CACNG2: variants seen among roughly 807,000 people sequenced by gnomAD.
The protein encoded by CACNG2 is voltage-dependent calcium channel gamma-2 subunit.
Under a neutral mutation model 25.9 loss-of-function variants are expected in CACNG2, and 3 were observed. That is an observed-to-expected ratio of 0.12 (90% CI 0.05 to 0.30). The LOEUF (loss-of-function observed/expected upper bound fraction) is 0.30, where lower values mean the gene tolerates loss of function less well. Ranked by LOEUF, CACNG2 falls within the 10% of genes least tolerant of loss-of-function variation. The pLI is 1.00. For missense variants in CACNG2, 341 were observed against 432.5 expected, an observed-to-expected ratio of 0.79 and a Z score of 1.88; for synonymous variants, 167 against 173.3, an observed-to-expected ratio of 0.96 and a Z score of 0.29.
chr22:36,580,211 G>A (rs1461168801), intron 2 of CACNG2, among the ~76,000 whole-genome samples: 5 of 152,152 alleles, frequency 3.3e-5, no homozygotes, highest in African/African-American at 9.7e-5. Context: ...TTGAAGCCCC[G>A]AGTGTGCCAA....
Position 36,564,897 on chromosome 22 carries a change from CAGGGTGGCGGGGTGG to C in CACNG2, c.437-26_437-12del. On this transcript the variant is annotated splice_polypyrimidine_tract_variant and intron_variant, in intron 3 of 3. Transcript: ENST00000300105. This position sits in a 1 kb window ranked among gnomAD's most constrained non-coding sequence, Gnocchi z 6.7. Reference sequence around the variant, plus strand: ...TGATGTTACTCAGACCTGCGGGGCGCAGGGTGGCGGGGTGGGGGATCAGAGAGAAGGACGTTAGTT... The same window carrying C: ...TGATGTTACTCAGACCTGCGGGGCGCGGGATCAGAGAGAAGGACGTTAGTT... The C allele has an allele frequency of 1.9e-6, 3 of 1,609,328 alleles. No individual in the cohort carries two copies. The highest frequency in any genetic ancestry group is 2.5e-6 in the Non-Finnish European group (3 of 1,179,724).
At chr22:36,689,385 G>A (rs142127124) in intron 1 of CACNG2, among the ~76,000 whole-genome samples, 13 of 152,126 alleles carry the variant, frequency 8.5e-5, no homozygotes, top group African/African-American at 3.1e-4. Context: ...TTCAGAGAAC[G>A]TAAAATCCAA....
chr22:36,572,519 T>A (rs1033089583), intron 2 of CACNG2, among the ~76,000 whole-genome samples: 1 of 152,146 alleles, frequency 6.6e-6, no homozygotes, highest in Admixed American at 6.5e-5. Context: ...ATGGCCAATA[T>A]GGCGAAACCC....
chr22:36,703,238 A>AGTGGCG lies in CACNG2; in HGVS notation c.-663_-662insCGCCAC. On this transcript the variant is annotated 5_prime_UTR_variant, in exon 1 of 4. Transcript: ENST00000300105. ...TCGCTTTCCATGGTTTTGCCCGGGC[A>AGTGGCG]GCGGCGGCGGCGGCGGCGGCGGCGG... is the stretch of plus-strand genomic sequence containing the variant. 1 of 154,316 alleles carries AGTGGCG rather than the reference A, an allele frequency of 6.5e-6. No individual in the cohort carries two copies. Among genetic ancestry groups the AGTGGCG allele is most frequent in the Non-Finnish European group, 1.4e-5 (1 of 73,442 alleles). 9.6% of individuals were successfully genotyped at this position (154,316 alleles called of 1,614,324 possible).
At chr22:36,659,758 T>G (rs1936761554) in intron 1 of CACNG2, among the ~76,000 whole-genome samples, 1 of 152,046 alleles carries the variant, frequency 6.6e-6, no homozygotes, top group Non-Finnish European at 1.5e-5. Flanking sequence ...TGTGTTCAAA[T>G]GCCAGCCTGT....
At chr22:36,611,495 G>T (rs769048484) in intron 1 of CACNG2, among the ~76,000 whole-genome samples, 4 of 152,192 alleles carry the variant, frequency 2.6e-5, no homozygotes, top group Non-Finnish European at 5.9e-5. Context: ...AGGCTGCCAG[G>T]AACTGGTAAA....
At chr22:36,674,987 A>T (rs1937002286) in intron 1 of CACNG2, among the ~76,000 whole-genome samples, 1 of 152,258 alleles carries the variant, frequency 6.6e-6, no homozygotes, top group Non-Finnish European at 1.5e-5. Flanking sequence ...TGCCTGGCAC[A>T]TAGTAAGTGT....
intron 1 of CACNG2, among the ~76,000 whole-genome samples, chr22:36,686,328 A>G (rs1937197195): frequency 6.6e-6 from 1 of 152,208 alleles, no homozygotes; most frequent in Non-Finnish European, 1.5e-5. Flanking sequence ...GAGCAAGTCC[A>G]GAAGAAGGAA....
intron 1 of CACNG2, among the ~76,000 whole-genome samples, chr22:36,618,839 G>C (rs1380135596): frequency 6.6e-6 from 1 of 152,166 alleles, no homozygotes; most frequent in African/African-American, 2.4e-5. Flanking sequence ...AGAACCACTT[G>C]AACCTGGGAG....
At chr22:36,598,980 A>T (rs992276362) in intron 1 of CACNG2, among the ~76,000 whole-genome samples, 16 of 152,190 alleles carry the variant, frequency 1.1e-4, no homozygotes, top group Non-Finnish European at 1.0e-4. Flanking sequence ...CCTGCCCCCA[A>T]TCCAAATCTA....
intron 1 of CACNG2, among the ~76,000 whole-genome samples, chr22:36,691,278 G>A (rs552223919): frequency 7.4e-6 from 1 of 135,090 alleles, no homozygotes; most frequent in Non-Finnish European, 1.6e-5. Flanking sequence ...AGTAGGATGT[G>A]GCTGGGAAAG....
chr22:36,619,026 T>A (rs1936067740), intron 1 of CACNG2, among the ~76,000 whole-genome samples: 1 of 152,224 alleles, frequency 6.6e-6, no homozygotes, highest in South Asian at 2.1e-4. Context: ...CTACTACATG[T>A]CTGGCACTTT....
intron 1 of CACNG2, among the ~76,000 whole-genome samples, chr22:36,644,108 G>T (rs116869206): frequency 1.1e-3 from 169 of 152,236 alleles, no homozygotes; most frequent in Non-Finnish European, 1.8e-3. Flanking sequence ...AAAAAAGAAA[G>T]ACACACCCAT....
At chr22:36,648,451 C>G (rs113515853) in intron 1 of CACNG2, among the ~76,000 whole-genome samples, 1 of 152,192 alleles carries the variant, frequency 6.6e-6, no homozygotes, top group Non-Finnish European at 1.5e-5. Flanking sequence ...AGGTTCCTGC[C>G]GGCATTTCTA....
intron 1 of CACNG2, among the ~76,000 whole-genome samples, chr22:36,627,147 G>GC (rs1936196379): frequency 6.6e-6 from 1 of 151,446 alleles, no homozygotes; most frequent in African/African-American, 2.4e-5. Flanking sequence ...TCAGATGAAA[G>GC]CCCCCCACTC....
intron 1 of CACNG2, among the ~76,000 whole-genome samples, chr22:36,616,608 A>ATTT (rs397709106): frequency 6.8e-6 from 1 of 147,900 alleles, no homozygotes; most frequent in African/African-American, 2.5e-5. Context: ...TCTGGAATTG[A>ATTT]TTTTTTTTTT....
At chr22:36,600,651 A>T (rs757549188) in intron 1 of CACNG2, among the ~76,000 whole-genome samples, 1 of 151,138 alleles carries the variant, frequency 6.6e-6, no homozygotes, top group Non-Finnish European at 1.5e-5. Flanking sequence ...AGTTCAAGCG[A>T]TTCTTGTGCC....
intron 1 of CACNG2, among the ~76,000 whole-genome samples, chr22:36,677,680 C>A (rs756384770): frequency 6.6e-6 from 1 of 152,198 alleles, no homozygotes. Flanking sequence ...CCTTAACCCA[C>A]GTGGGCATAA....
intron 1 of CACNG2, among the ~76,000 whole-genome samples, chr22:36,654,228 C>T (rs1057149996): frequency 2.6e-5 from 4 of 151,634 alleles, no homozygotes; most frequent in Non-Finnish European, 2.9e-5. Flanking sequence ...ACTAAGAATG[C>T]GGGTATACTT....
Sources: allele counts gnomAD v4.1 joint callset (sites outside exome capture counted in the v4.1 genomes callset), GRCh38; gene constraint gnomAD v4.1.1; non-coding constraint Gnocchi (gnomAD v3.1); transcripts MANE v1.5; gene names NCBI Gene and HGNC (gene_info 2026-07-23, HGNC 2026-07-21).